The following KIF26B variants were observed in gnomAD, a reference collection of about 807,000 sequenced individuals.
KIF26B encodes kinesin family member 26B.
A neutral mutation model predicts 151.2 loss-of-function variants in KIF26B; 63 were observed. The observed-to-expected ratio is 0.42, with a 90% CI of 0.34 to 0.51. The LOEUF (loss-of-function observed/expected upper bound fraction) is 0.51, where lower values mean the gene tolerates loss of function less well. Among genes scored for constraint, KIF26B ranks in the 20% least tolerant of loss-of-function variants. KIF26B has a pLI of 0.07. For missense variants in KIF26B, 2,813 were observed against 2,913.6 expected (o/e 0.97, Z 0.79); for synonymous variants, 1,357 against 1,262.1 (o/e 1.08, Z -1.59).
Position 245,586,779 on chromosome 1 carries a change from G to A in KIF26B, c.1351-15798G>A, listed in dbSNP as rs550900635. Reference sequence around the variant, plus strand: ...CGGGCGCCTGTAGTCCCAGCTACTCGGGAGGCTGAGGCAGGAGAATGGCGT... The same window carrying A: ...CGGGCGCCTGTAGTCCCAGCTACTCAGGAGGCTGAGGCAGGAGAATGGCGT... On this transcript the variant is annotated intron_variant, in intron 5 of 14. Coordinates refer to ENST00000407071, the MANE Select transcript of KIF26B (RefSeq NM_018012.4). Among the ~76,000 whole-genome samples the A allele has an allele frequency of 8.8e-4, 134 of 151,782 alleles. 1 individual carries two copies. Among genetic ancestry groups the A allele is most frequent in the African/African-American group, 2.9e-3 (120 of 41,376 alleles).
intron 4 of KIF26B, among the ~76,000 whole-genome samples, chr1:245,478,563 G>C (rs572979792): frequency 6.6e-6 from 1 of 151,306 alleles, no homozygotes; most frequent in African/African-American, 2.4e-5. Flanking sequence ...GAGTAGCTGG[G>C]ACTACACCAC....
At chr1:245,518,024 A>C (rs1383436215) in intron 4 of KIF26B, among the ~76,000 whole-genome samples, 2 of 152,054 alleles carry the variant, frequency 1.3e-5, no homozygotes, top group Non-Finnish European at 2.9e-5. Context: ...GACGCCTGCC[A>C]CAACAATCGG....
chr1:245,424,305 C>T (rs1179168595), intron 4 of KIF26B, among the ~76,000 whole-genome samples: 7 of 152,114 alleles, frequency 4.6e-5, no homozygotes, highest in African/African-American at 1.7e-4. Flanking sequence ...TGCACCACCA[C>T]ATCAGCTAAT....
chr1:245,679,976 A>G (rs1395234387), intron 10 of KIF26B, among the ~76,000 whole-genome samples: 4 of 151,472 alleles, frequency 2.6e-5, no homozygotes, highest in African/African-American at 9.7e-5. Flanking sequence ...ACCTCCCTCC[A>G]TCCCTCCCGC....
intron 2 of KIF26B, among the ~76,000 whole-genome samples, chr1:245,254,839 A>G (rs2103567010): frequency 6.6e-6 from 1 of 152,294 alleles, no homozygotes; most frequent in African/African-American, 2.4e-5. Context: ...CAGGTTTGGA[A>G]CTGTATACCT....
At chr1:245,247,965 G>A (rs555486039) in intron 2 of KIF26B, among the ~76,000 whole-genome samples, 4 of 152,234 alleles carry the variant, frequency 2.6e-5, no homozygotes, top group South Asian at 4.1e-4. Context: ...CCCTGGTTCC[G>A]GTCCTCAGTC....
In KIF26B at chr1:245,388,173, G is replaced by A. The variant is rs138790719; in HGVS notation, c.999+20806G>A. Among the ~76,000 whole-genome samples, 466 of 152,134 alleles carry A rather than the reference G, an allele frequency of 3.1e-3. 4 individuals carry two copies. Among genetic ancestry groups the A allele is most frequent in the African/African-American group, 0.011 (441 of 41,504 alleles). On this transcript the variant is annotated intron_variant, in intron 3 of 14. Coordinates refer to ENST00000407071, the MANE Select transcript of KIF26B (RefSeq NM_018012.4). ...GTATTTGGAGAAAATTGATCTCATT[G>A]GAGAAAGGACCATGATATGAACAAG... is the stretch of plus-strand genomic sequence containing the variant.
Position 245,239,545 on chromosome 1 carries a change from C to T in KIF26B, c.465+82862C>T, listed in dbSNP as rs1670174638. Reference sequence around the variant, plus strand: ...TTTAGACAGAGTCTCTCTCTGTCGCCCAGGCTGGAGTGCAGTGGCGTGATC... The same window carrying T: ...TTTAGACAGAGTCTCTCTCTGTCGCTCAGGCTGGAGTGCAGTGGCGTGATC... On this transcript the variant is annotated intron_variant, in intron 2 of 14. Transcript: ENST00000407071. The surrounding 1 kb of genome is among the most constrained non-coding windows in gnomAD (Gnocchi z 4.3). Among the ~76,000 whole-genome samples, 1 of 152,106 alleles carries T rather than the reference C, an allele frequency of 6.6e-6. No individual in the cohort carries two copies. The highest frequency in any genetic ancestry group is 2.4e-5 in the African/African-American group (1 of 41,408).
At chr1:245,558,862 G>C (rs1662099920) in intron 5 of KIF26B, among the ~76,000 whole-genome samples, 1 of 152,210 alleles carries the variant, frequency 6.6e-6, no homozygotes, top group African/African-American at 2.4e-5. Context: ...TGAAAAGATG[G>C]GGAGAGAGTG....
chr1:245,249,071 G>A (rs1195357951), intron 2 of KIF26B, among the ~76,000 whole-genome samples: 1 of 152,128 alleles, frequency 6.6e-6, no homozygotes, highest in Non-Finnish European at 1.5e-5. Context: ...TGTGGCAGCT[G>A]TCTATAACAG....
intron 3 of KIF26B, among the ~76,000 whole-genome samples, chr1:245,380,951 A>G (rs1298248601): frequency 6.8e-6 from 1 of 146,804 alleles, no homozygotes; most frequent in Non-Finnish European, 1.5e-5. Context: ...TGGGCCAAAA[A>G]GATGAAAAAA....
chr1:245,191,774 A>G (rs1389219965), intron 2 of KIF26B, among the ~76,000 whole-genome samples: 1 of 152,208 alleles, frequency 6.6e-6, no homozygotes, highest in Non-Finnish European at 1.5e-5. Context: ...AGTTTAAGGG[A>G]CAAAGGCAGT....
At chr1:245,325,842 G>A (rs957497000) in intron 2 of KIF26B, among the ~76,000 whole-genome samples, 18 of 152,294 alleles carry the variant, frequency 1.2e-4, no homozygotes, top group African/African-American at 4.3e-4. Context: ...GCGGAGGGGG[G>A]GTGGTATTGT....
chr1:245,701,680 C>T (rs1320634319), intron 14 of KIF26B, among the ~76,000 whole-genome samples: 1 of 152,178 alleles, frequency 6.6e-6, no homozygotes, highest in South Asian at 2.1e-4. Context: ...GGGCAGGCAG[C>T]GTAGGAGTTA....
chr1:245,664,283 C>T (rs1049606137), intron 10 of KIF26B, among the ~76,000 whole-genome samples: 3 of 150,640 alleles, frequency 2.0e-5, no homozygotes, highest in South Asian at 2.1e-4. Context: ...CGCTTGAACC[C>T]GGGAGGTGGA....
chr1:245,347,931 G>A (rs890065290), intron 2 of KIF26B, among the ~76,000 whole-genome samples: 12 of 152,308 alleles, frequency 7.9e-5, no homozygotes, highest in Non-Finnish European at 1.5e-4. Flanking sequence ...GCCCTAAGGC[G>A]GGTACCGTTA....
At chr1:245,663,664 G>A (rs1321930177) in intron 10 of KIF26B, among the ~76,000 whole-genome samples, 1 of 152,166 alleles carries the variant, frequency 6.6e-6, no homozygotes, top group East Asian at 1.9e-4. Context: ...GCCAGTTGAG[G>A]ATAGTCTAAA....
rs535663924 is a variant in KIF26B, at chr1:245,705,004, T to C, written c.*2398T>C. 1.3e-5 allele frequency: 2 copies of C among 152,390 alleles called. No individual in the cohort carries two copies. The highest frequency in any genetic ancestry group is 2.1e-4 in the South Asian group (1 of 4,828). The allele number at this position is 152,390 out of a possible 1,614,324, so 9.4% of individuals were successfully genotyped here. A position where few individuals can be genotyped will look rare whatever the true frequency, so the allele number is the denominator to read the frequency against. The stretch of plus-strand genomic sequence containing the variant: ...CCTTCCATGCTGCACTGCCTTCCTT[T>C]AGCCAGTGACAGAGCCTGGTGCCCT... On this transcript the variant is annotated 3_prime_UTR_variant, in exon 15 of 15. Transcript: ENST00000407071.
chr1:245,649,559 T>A (rs1224486427), intron 10 of KIF26B, among the ~76,000 whole-genome samples: 1 of 152,194 alleles, frequency 6.6e-6, no homozygotes, highest in African/African-American at 2.4e-5. Context: ...TTGCAGTGCG[T>A]TCCTTAGAGA....
Sources: gnomAD v4.1 joint callset for allele counts (sites outside exome capture counted in the v4.1 genomes callset) on GRCh38, gnomAD v4.1.1 for gene constraint, Gnocchi (gnomAD v3.1) non-coding constraint, MANE v1.5 for transcripts, NCBI Gene and HGNC (gene_info 2026-07-23, HGNC 2026-07-21) for gene names.